The following ARHGEF18 variants were observed in gnomAD, a reference collection of about 807,000 sequenced individuals.
ARHGEF18 encodes the protein rho guanine nucleotide exchange factor 18.
Under a neutral mutation model 155.7 loss-of-function variants are expected in ARHGEF18, and 93 were observed. The ratio of observed to expected loss-of-function variants is 0.60; its 90% CI spans 0.50 to 0.71. The LOEUF (loss-of-function observed/expected upper bound fraction) is 0.71, where lower values mean the gene tolerates loss of function less well. ARHGEF18 is among the 30% of genes least tolerant of loss of function. The pLI, the probability that ARHGEF18 is intolerant of heterozygous loss-of-function variation, is 0.00. For synonymous variants in ARHGEF18, 742 were observed against 753.1 expected, an observed-to-expected ratio of 0.99 and a Z score of 0.24; for missense variants, 1,593 against 1,816.1, an observed-to-expected ratio of 0.88 and a Z score of 2.23.
chr19:7,427,699 A>G lies in ARHGEF18; in HGVS notation c.968-12645A>G, dbSNP rs190281353. 1.5e-4 allele frequency among the ~76,000 whole-genome samples: 23 copies of G among 151,858 alleles called. No individual in the cohort carries two copies. The East Asian group carries it at 4.4e-3, about 29-fold the overall frequency. On this transcript the variant is annotated intron_variant, in intron 10 of 28. Coordinates refer to ENST00000668164, the MANE Select transcript of ARHGEF18 (RefSeq NM_001367823.1). ...AGTGGCTCACACCTGTAACCCCAGC[A>G]CTTTGGGAGGCTGAGGCAGGCAGAT...
chr19:7,458,296 TTAAAAAAAAAAAAA>T (rs1975976867), intron 18 of ARHGEF18, among the ~76,000 whole-genome samples: 1 of 110,032 alleles, frequency 9.1e-6, no homozygotes, highest in East Asian at 2.9e-4. Context: ...CCAAGATAGT[TTAAAAAAAAAAAAA>T]AAAAAAAAAA....
In ARHGEF18 at chr19:7,383,042, C is replaced by T. The variant is rs1295162318; in HGVS notation, c.826-20C>T. On this transcript the variant is annotated intron_variant, in intron 9 of 28. Coordinates refer to ENST00000668164, the MANE Select transcript of ARHGEF18 (RefSeq NM_001367823.1). ...AGTGCCTGCAGAGGGCATCCTGAGA[C>T]CCACCTCTGTCCCATCCAGGGGAAG... is the stretch of plus-strand genomic sequence containing the variant. The T allele has an allele frequency of 1.6e-6, 2 of 1,232,406 alleles. No individual in the cohort carries two copies. The highest frequency in any genetic ancestry group is 2.0e-6 in the Non-Finnish European group (2 of 988,158). 76.3% of individuals were successfully genotyped at this position (1,232,406 alleles called of 1,614,324 possible).
chr19:7,404,812 C>G (rs1242982713), intron 10 of ARHGEF18, among the ~76,000 whole-genome samples: 1 of 152,218 alleles, frequency 6.6e-6, no homozygotes, highest in African/African-American at 2.4e-5. Context: ...CAGGGACTCT[C>G]TTGTAGCTCC....
In ARHGEF18 at chr19:7,472,431, G is replaced by A. The variant is rs1365194439; in HGVS notation, c.*2133G>A. 1 of 156,932 alleles carries A rather than the reference G, an allele frequency of 6.4e-6. No individual in the cohort carries two copies. Among genetic ancestry groups the A allele is most frequent in the East Asian group, 1.9e-4 (1 of 5,332 alleles). The allele number at this position is 156,932 out of a possible 1,614,324, so 9.7% of individuals were successfully genotyped here. On this transcript the variant is annotated 3_prime_UTR_variant, in exon 29 of 29. Transcript: ENST00000668164. ...CCTCACTGCGGGATATTTCTGACCC[G>A]CTTTAGAACTTAAGACCTGATTCTA...
At chr19:7,441,602 G>C in intron 11 of ARHGEF18, 51 bp from the exon 12 acceptor site, 1 of 1,426,712 alleles carries the variant, frequency 7.0e-7, no homozygotes, top group Admixed American at 1.7e-5. Flanking sequence ...ATGAGGTCGT[G>C]TGTGTTTAAT....
At chr19:7,417,986 C>G (rs374472622) in intron 10 of ARHGEF18, among the ~76,000 whole-genome samples, 7 of 152,182 alleles carry the variant, frequency 4.6e-5, no homozygotes, top group East Asian at 3.8e-4. Flanking sequence ...GGATTTGGCC[C>G]TGGGGCCATA....
At chr19:7,469,850 G>A (rs528197478) in intron 27 of ARHGEF18, 54 bp from the exon 28 acceptor site, 108 of 1,590,944 alleles carry the variant, frequency 6.8e-5, no homozygotes, top group Admixed American at 4.5e-4. Context: ...CTGCCCTGGC[G>A]GGTGGGGACA....
chr19:7,429,976 T>TA lies in ARHGEF18; in HGVS notation c.968-10368_968-10367insA, dbSNP rs1190352607. Among the ~76,000 whole-genome samples the TA allele has an allele frequency of 1.3e-4, 20 of 152,248 alleles. No individual in the cohort carries two copies. The East Asian group carries it at 3.9e-3, about 29-fold the overall frequency. On this transcript the variant is annotated intron_variant, in intron 10 of 28. Transcript: ENST00000668164. ...TGTGCCTCAATATACTTTTTTTTTT[T>TA]TTAAGGAAACTATTGCTTGGGAATA...
chr19:7,385,895 CCTCT>C (rs1200793502), intron 10 of ARHGEF18, among the ~76,000 whole-genome samples: 3 of 39,198 alleles, frequency 7.7e-5, no homozygotes, highest in East Asian at 7.9e-4. Flanking sequence ...TCCCTCCCTC[CCTCT>C]CTCTCTCCCT....
At chr19:7,406,336 C>T (rs1158137227) in intron 10 of ARHGEF18, among the ~76,000 whole-genome samples, 3 of 152,140 alleles carry the variant, frequency 2.0e-5, no homozygotes, top group East Asian at 1.9e-4. Context: ...CCACCCACCT[C>T]GGCCTCCCAA....
chr19:7,370,145 C>T (rs1212771791), intron 2 of ARHGEF18, among the ~76,000 whole-genome samples: 3 of 149,644 alleles, frequency 2.0e-5, no homozygotes, highest in African/African-American at 7.4e-5. Flanking sequence ...TGCAGTGAGC[C>T]GAGATGGTGC....
intron 10 of ARHGEF18, among the ~76,000 whole-genome samples, chr19:7,398,167 A>C (rs964624746): frequency 6.6e-6 from 1 of 151,902 alleles, no homozygotes; most frequent in Non-Finnish European, 1.5e-5. Flanking sequence ...CCGCCTCCCA[A>C]GTTTAAGCAA....
chr19:7,426,505 A>T (rs1020940299), intron 10 of ARHGEF18, among the ~76,000 whole-genome samples: 2 of 150,840 alleles, frequency 1.3e-5, no homozygotes, highest in African/African-American at 4.9e-5. Context: ...AAAAAAAAGA[A>T]AAAAAGCACC....
At chr19:7,455,202 G>A (rs1975749892) in intron 17 of ARHGEF18, among the ~76,000 whole-genome samples, 1 of 152,198 alleles carries the variant, frequency 6.6e-6, no homozygotes, top group Admixed American at 6.5e-5. Context: ...TGCCTGCCAG[G>A]CGCCGAGTTG....
chr19:7,459,531 T>C (rs558553426), intron 19 of ARHGEF18, among the ~76,000 whole-genome samples: 1 of 152,314 alleles, frequency 6.6e-6, no homozygotes, highest in African/African-American at 2.4e-5. Flanking sequence ...CTCCCTCTCT[T>C]GATTCCCGGA....
In ARHGEF18 at chr19:7,358,316, T is replaced by C. The variant is rs147417048; in HGVS notation, c.-110-4465T>C. Among the ~76,000 whole-genome samples the C allele has an allele frequency of 3.6e-3, 548 of 151,102 alleles. 4 individuals carry two copies. Among genetic ancestry groups the C allele is most frequent in the African/African-American group, 0.012 (503 of 41,116 alleles). On this transcript the variant is annotated intron_variant, in intron 1 of 28. Transcript: ENST00000668164. ...ATCCACTCTTCCATCCATCCAACCA[T>C]CCATCCATTCAACATCCATTCATCC...
At chr19:7,385,210 C>T (rs930893476) in intron 10 of ARHGEF18, among the ~76,000 whole-genome samples, 4 of 152,278 alleles carry the variant, frequency 2.6e-5, no homozygotes, top group East Asian at 3.9e-4. Flanking sequence ...ACAGAGCAGG[C>T]GCTGGGAGCC....
chr19:7,385,805 A>G (rs1970980778), intron 10 of ARHGEF18, among the ~76,000 whole-genome samples: 1 of 139,150 alleles, frequency 7.2e-6, no homozygotes, highest in South Asian at 2.3e-4. Context: ...CAAAATTTCT[A>G]TTTTAGAGAT....
intron 10 of ARHGEF18, among the ~76,000 whole-genome samples, chr19:7,409,348 G>T (rs56278940): frequency 2.3e-5 from 3 of 131,224 alleles, no homozygotes; most frequent in East Asian, 4.4e-4. Context: ...AAAAAAAAAA[G>T]ACTTAATGGC....
Sources: gnomAD v4.1 joint callset for allele counts (sites outside exome capture counted in the v4.1 genomes callset) on GRCh38, gnomAD v4.1.1 for gene constraint, MANE v1.5 for transcripts, NCBI Gene and HGNC (gene_info 2026-07-23, HGNC 2026-07-21) for gene names.